ATRNL1: variants seen among roughly 807,000 people sequenced by gnomAD.
ATRNL1 encodes attractin-like protein 1.
ATRNL1 carries 95 observed loss-of-function variants against 182.7 expected under a neutral mutation model. That is an observed-to-expected ratio of 0.52 (90% CI 0.44 to 0.62). The LOEUF (loss-of-function observed/expected upper bound fraction) is 0.62, where lower values mean the gene tolerates loss of function less well. Among genes scored for constraint, ATRNL1 ranks in the 20% least tolerant of loss-of-function variants. The pLI, the probability that ATRNL1 is intolerant of heterozygous loss-of-function variation, is 0.00. For synonymous variants in ATRNL1, 576 were observed against 568.3 expected (o/e 1.01, Z -0.19); for missense variants, 1,471 against 1,679.5 (o/e 0.88, Z 2.17).
intron 26 of ATRNL1, among the ~76,000 whole-genome samples, chr10:115,582,405 T>C (rs1177766264): frequency 7.2e-6 from 1 of 139,670 alleles, no homozygotes; most frequent in Non-Finnish European, 1.6e-5. Context: ...CTCCAGCACC[T>C]GTTGTTTCCT....
chr10:115,600,955 A>T (rs79130693), intron 26 of ATRNL1, among the ~76,000 whole-genome samples: 3,370 of 134,336 alleles, frequency 0.025, 122 homozygotes, highest in African/African-American at 0.087. Context: ...TTTGCCCTGT[A>T]TGGATGTCCA....
intron 5 of ATRNL1, among the ~76,000 whole-genome samples, chr10:115,155,550 T>C (rs1422996489): frequency 6.6e-6 from 1 of 152,158 alleles, no homozygotes; most frequent in African/African-American, 2.4e-5. Context: ...AGCTAGTAAG[T>C]AGGAAAGCTA....
At chr10:115,499,816 C>G (rs1849727591) in intron 24 of ATRNL1, among the ~76,000 whole-genome samples, 1 of 152,164 alleles carries the variant, frequency 6.6e-6, no homozygotes, top group Non-Finnish European at 1.5e-5. Context: ...CTAAGCAGTT[C>G]CCAGCTTGAT....
At chr10:115,622,357 A>G (rs1857822450) in intron 26 of ATRNL1, among the ~76,000 whole-genome samples, 1 of 152,194 alleles carries the variant, frequency 6.6e-6, no homozygotes, top group African/African-American at 2.4e-5. Flanking sequence ...AGACAGTGTT[A>G]ATCAAGTGTT....
In ATRNL1 at chr10:115,334,410, C is replaced by G. The variant is rs1554936067; in HGVS notation, c.3166C>G (p.Gln1056Glu). 3 of 1,590,162 alleles carry G rather than the reference C, an allele frequency of 1.9e-6. No individual in the cohort carries two copies. Among genetic ancestry groups the G allele is most frequent in the Non-Finnish European group, 2.6e-6 (3 of 1,165,598 alleles). Residue 1056 changes from glutamine to glutamate, a missense_variant, in exon 19 of 29, where the codon CAG becomes GAG. Gln to Glu is a conservative substitution (Grantham distance 29). This residue lies in a region of ATRNL1 where 437 missense variants were observed against 506.0 expected (regional missense o/e 0.86). Transcript: ENST00000355044. ...TTATGGAGATCCAACCAATGGTGGA[C>G]AGTGCACAGGTAAGTTTCTTTTAAG... Reference protein sequence around the residue: ...GYYGDPTNGGQCTACTCSGHA... With the variant: ...GYYGDPTNGGECTACTCSGHA...
chr10:115,540,131 T>TA (rs35188823), intron 25 of ATRNL1, among the ~76,000 whole-genome samples: 86,679 of 146,812 alleles, frequency 0.59, 27,385 homozygotes, highest in Non-Finnish European at 0.73. Flanking sequence ...AGTATAATAA[T>TA]AATAAATAAA....
intron 26 of ATRNL1, among the ~76,000 whole-genome samples, chr10:115,557,726 A>G (rs1411725391): frequency 2.6e-5 from 4 of 152,156 alleles, no homozygotes; most frequent in Non-Finnish European, 5.9e-5. Flanking sequence ...CAGACAAACA[A>G]CGCTAACTAG....
chr10:115,825,078 A>G lies in ATRNL1; in HGVS notation c.3904-22799A>G, dbSNP rs143654850. ...TGCAGTCATAAAAAAGGATGAGTTC[A>G]TGTCCTTTGCAGGGACATGGATGAA... On this transcript the variant is annotated intron_variant, in intron 27 of 28. Coordinates refer to ENST00000355044, the MANE Select transcript of ATRNL1 (RefSeq NM_207303.4). Among the ~76,000 whole-genome samples, 638 of 152,332 alleles carry G rather than the reference A, an allele frequency of 4.2e-3. 7 individuals are homozygous for G. Among genetic ancestry groups the G allele is most frequent in the African/African-American group, 0.014 (593 of 41,572 alleles).
At chr10:115,823,376 G>GTAC (rs2134288899) in intron 27 of ATRNL1, among the ~76,000 whole-genome samples, 1 of 152,280 alleles carries the variant, frequency 6.6e-6, no homozygotes, top group South Asian at 2.1e-4. Context: ...ACAAGACAAG[G>GTAC]ATGCCTTCTC....
chr10:115,801,070 T>A (rs1018059833), intron 27 of ATRNL1, among the ~76,000 whole-genome samples: 26 of 152,236 alleles, frequency 1.7e-4, no homozygotes, highest in African/African-American at 5.3e-4. Context: ...TCCTAGTCAT[T>A]GTCTGCACCT....
rs3981280 is a variant in ATRNL1, at chr10:115,577,610, TTGTGTGTGTGTG to T, written c.3795+28106_3795+28117del. Reference sequence around the variant, plus strand: ...TACTGAATTTATTTGTTCTAACAGGTTGTGTGTGTGTGTGTGTGTGTGTGTGTGTGTGTGTGT... The same window carrying T: ...TACTGAATTTATTTGTTCTAACAGGTTGTGTGTGTGTGTGTGTGTGTGTGT... On this transcript the variant is annotated intron_variant, in intron 26 of 28. Transcript: ENST00000355044. 9.4e-3 allele frequency among the ~76,000 whole-genome samples: 1,272 copies of T among 135,104 alleles called. 17 individuals carry two copies. Among genetic ancestry groups the T allele is most frequent in the African/African-American group, 0.032 (1,169 of 36,980 alleles). 88.6% of individuals were successfully genotyped at this position (135,104 alleles called of 152,430 possible).
chr10:115,246,614 G>A lies in ATRNL1; in HGVS notation c.1687+4889G>A, dbSNP rs1198532415. Among the ~76,000 whole-genome samples the A allele has an allele frequency of 4.8e-5, 3 of 62,882 alleles. 1 individual carries two copies. Among genetic ancestry groups the A allele is most frequent in the Non-Finnish European group, 1.0e-4 (3 of 29,342 alleles). The allele number at this position is 62,882 out of a possible 152,430, so 41.3% of individuals were successfully genotyped here. A position where few individuals can be genotyped will look rare whatever the true frequency, so the allele number is the denominator to read the frequency against. ...TGTCGCCCAGGTCGGACTGCGGACT[G>A]CAGTAGCGCAATCTCGGCTCACTGC... On this transcript the variant is annotated intron_variant, in intron 10 of 28. Coordinates refer to ENST00000355044, the MANE Select transcript of ATRNL1 (RefSeq NM_207303.4).
intron 19 of ATRNL1, among the ~76,000 whole-genome samples, chr10:115,344,328 T>C (rs1039606466): frequency 2.2e-4 from 33 of 152,336 alleles, no homozygotes; most frequent in African/African-American, 7.7e-4. Flanking sequence ...TTGGCTGAGC[T>C]GGCACTCAAA....
At chr10:115,667,845 A>C (rs1165737019) in intron 26 of ATRNL1, among the ~76,000 whole-genome samples, 2 of 151,742 alleles carry the variant, frequency 1.3e-5, no homozygotes, top group Non-Finnish European at 2.9e-5. Flanking sequence ...CTATTTTTTT[A>C]GTAGAGGTGT....
intron 19 of ATRNL1, among the ~76,000 whole-genome samples, chr10:115,373,774 A>G (rs1857516093): frequency 6.6e-6 from 1 of 151,596 alleles, no homozygotes; most frequent in Non-Finnish European, 1.5e-5. Flanking sequence ...TTGTTTCATA[A>G]TATTTTGTTG....
At chr10:115,562,815 G>C (rs1565168519) in intron 26 of ATRNL1, among the ~76,000 whole-genome samples, 1 of 152,176 alleles carries the variant, frequency 6.6e-6, no homozygotes. Flanking sequence ...CGCTTTACCA[G>C]TCTCAAGTAT....
intron 26 of ATRNL1, among the ~76,000 whole-genome samples, chr10:115,639,732 G>T (rs779936361): frequency 1.3e-5 from 2 of 151,924 alleles, no homozygotes; most frequent in Non-Finnish European, 2.9e-5. Context: ...GATTCCTAAA[G>T]TATGTTAAAG....
chr10:115,475,000 A>G (rs1380943782), intron 24 of ATRNL1, among the ~76,000 whole-genome samples: 1 of 151,360 alleles, frequency 6.6e-6, no homozygotes, highest in Admixed American at 6.6e-5. Flanking sequence ...GCCATTGTCT[A>G]ATAGAAAAAC....
intron 26 of ATRNL1, among the ~76,000 whole-genome samples, chr10:115,720,208 G>A (rs1947380339): frequency 6.6e-6 from 1 of 151,930 alleles, no homozygotes; most frequent in Non-Finnish European, 1.5e-5. Flanking sequence ...ACTTACAAAT[G>A]GACAGATGTC....
Sources: allele counts gnomAD v4.1 joint callset (sites outside exome capture counted in the v4.1 genomes callset), GRCh38; gene constraint gnomAD v4.1.1; regional missense constraint gnomAD v4.1.1; transcripts MANE v1.5; gene names NCBI Gene and HGNC (gene_info 2026-07-23, HGNC 2026-07-21).